The following NEGR1 variants were observed in gnomAD, a reference collection of about 807,000 sequenced individuals.
NEGR1 encodes IgLON family member 4.
A neutral mutation model predicts 40.9 loss-of-function variants in NEGR1; 10 were observed. That is an observed-to-expected ratio of 0.24 (90% confidence interval 0.15 to 0.42). NEGR1 has a LOEUF of 0.42. Among genes scored for constraint, NEGR1 ranks in the 10% least tolerant of loss-of-function variants. The pLI is 1.00. For synonymous variants in NEGR1, 185 were observed against 166.8 expected, an observed-to-expected ratio of 1.11 and a Z score of -0.84; for missense variants, 352 against 438.9, an observed-to-expected ratio of 0.80 and a Z score of 1.77.
At chr1:71,909,634 C>A (rs1455021323) in intron 2 of NEGR1, among the ~76,000 whole-genome samples, 2 of 152,134 alleles carry the variant, frequency 1.3e-5, no homozygotes, top group African/African-American at 4.8e-5. Flanking sequence ...TCAGTTTTAA[C>A]TGGAAAGGGG....
intron 6 of NEGR1, among the ~76,000 whole-genome samples, chr1:71,566,102 C>T (rs1648611589): frequency 1.3e-5 from 2 of 151,956 alleles, no homozygotes; most frequent in Admixed American, 1.3e-4. Context: ...AAGGAAACAA[C>T]CCTGCCAAAA....
At chr1:71,534,032 G>A (rs1006066950) in intron 6 of NEGR1, among the ~76,000 whole-genome samples, 3 of 151,628 alleles carry the variant, frequency 2.0e-5, no homozygotes, top group African/African-American at 4.8e-5. Context: ...CAGCGAGTGT[G>A]GCAGTGGGAA....
chr1:71,782,493 C>T (rs1303637659), intron 2 of NEGR1, among the ~76,000 whole-genome samples: 2 of 152,068 alleles, frequency 1.3e-5, no homozygotes, highest in Non-Finnish European at 2.9e-5. Context: ...CCATAATTAT[C>T]ATTGGTATTT....
intron 3 of NEGR1, among the ~76,000 whole-genome samples, chr1:71,734,704 C>G (rs962936374): frequency 3.3e-5 from 5 of 152,152 alleles, no homozygotes; most frequent in Admixed American, 3.3e-4. Flanking sequence ...ATGAATTCTG[C>G]CTTTCTACTC....
At chr1:71,568,107 T>C (rs1648681040) in intron 6 of NEGR1, among the ~76,000 whole-genome samples, 1 of 152,222 alleles carries the variant, frequency 6.6e-6, no homozygotes, top group South Asian at 2.1e-4. Flanking sequence ...ATTACTCCCA[T>C]CTATTCAATT....
Position 71,906,477 on chromosome 1 carries a change from TAA to T in NEGR1, c.409+28600_409+28601del, listed in dbSNP as rs368464744. 3.4e-3 allele frequency among the ~76,000 whole-genome samples: 474 copies of T among 141,014 alleles called. 1 individual carries two copies. Among genetic ancestry groups the T allele is most frequent in the African/African-American group, 0.011 (436 of 38,990 alleles). 92.5% of individuals were successfully genotyped at this position (141,014 alleles called of 152,430 possible). The stretch of plus-strand genomic sequence containing the variant: ...ATGAATAATTTCCCTGGCCAAGGAT[TAA>T]AAAAAAAAAAAAAGTTGAGATCTGA... On this transcript the variant is annotated intron_variant, in intron 2 of 6. Transcript: ENST00000357731.
intron 1 of NEGR1, among the ~76,000 whole-genome samples, chr1:71,943,848 T>A (rs1645994345): frequency 6.6e-6 from 1 of 152,132 alleles, no homozygotes; most frequent in Non-Finnish European, 1.5e-5. Context: ...CACAAAAACA[T>A]TCTGAGAAGT....
chr1:71,508,645 C>T (rs1228725527), intron 6 of NEGR1, among the ~76,000 whole-genome samples: 1 of 152,142 alleles, frequency 6.6e-6, no homozygotes, highest in Non-Finnish European at 1.5e-5. Context: ...TATCTTTGCC[C>T]TGAACCGAAT....
At chr1:72,256,533 T>C (rs1011181424) in intron 1 of NEGR1, among the ~76,000 whole-genome samples, 3 of 152,224 alleles carry the variant, frequency 2.0e-5, no homozygotes, top group Non-Finnish European at 2.9e-5. Context: ...TTATGAATTA[T>C]AATCACCCTA....
intron 2 of NEGR1, among the ~76,000 whole-genome samples, chr1:71,805,114 C>T (rs12137234): frequency 0.21 from 31,893 of 151,998 alleles, 4,385 homozygotes; most frequent in Non-Finnish European, 0.31. Context: ...AGGAAATTCC[C>T]GCATAATAAA....
At chr1:71,501,995 G>A (rs1647002707) in intron 6 of NEGR1, among the ~76,000 whole-genome samples, 1 of 152,134 alleles carries the variant, frequency 6.6e-6, no homozygotes, top group South Asian at 2.1e-4. Context: ...GGAAATAAAA[G>A]TGATTCTACT....
intron 1 of NEGR1, among the ~76,000 whole-genome samples, chr1:72,199,423 G>C (rs962208022): frequency 6.6e-6 from 1 of 151,954 alleles, no homozygotes; most frequent in African/African-American, 2.4e-5. Flanking sequence ...CCTTAAAAGA[G>C]CACAAAGCTA....
chr1:71,608,883 T>A (rs1467544822), intron 5 of NEGR1, among the ~76,000 whole-genome samples: 2 of 152,082 alleles, frequency 1.3e-5, no homozygotes, highest in African/African-American at 4.8e-5. Context: ...GAACAAAGAG[T>A]TCCATAACTT....
chr1:71,449,952 A>G (rs1395519006), intron 6 of NEGR1, among the ~76,000 whole-genome samples: 1 of 148,688 alleles, frequency 6.7e-6, no homozygotes, highest in Non-Finnish European at 1.5e-5. Flanking sequence ...TTTGTCTTTT[A>G]TTTTCACCAA....
At chr1:72,015,536 G>A (rs965212810) in intron 1 of NEGR1, among the ~76,000 whole-genome samples, 1 of 152,086 alleles carries the variant, frequency 6.6e-6, no homozygotes, top group Non-Finnish European at 1.5e-5. Context: ...CAGGCACCAT[G>A]GCTAAGACCT....
At chr1:72,123,450 G>A (rs1462572619) in intron 1 of NEGR1, among the ~76,000 whole-genome samples, 6 of 151,752 alleles carry the variant, frequency 4.0e-5, no homozygotes, top group African/African-American at 1.2e-4. Flanking sequence ...GGATCATAAT[G>A]ATGAGAAATT....
At chr1:71,805,580 C>G (rs1657738850) in intron 2 of NEGR1, among the ~76,000 whole-genome samples, 1 of 152,136 alleles carries the variant, frequency 6.6e-6, no homozygotes, top group Non-Finnish European at 1.5e-5. Context: ...ATATCACTTT[C>G]AAGGATAGTA....
intron 2 of NEGR1, among the ~76,000 whole-genome samples, chr1:71,795,104 G>T (rs1181571946): frequency 6.6e-6 from 1 of 151,978 alleles, no homozygotes; most frequent in African/African-American, 2.4e-5. Flanking sequence ...ATGAGAAAAT[G>T]AAAAATCACA....
At chr1:72,124,302 T>C (rs1164647453) in intron 1 of NEGR1, among the ~76,000 whole-genome samples, 2 of 151,956 alleles carry the variant, frequency 1.3e-5, no homozygotes. Context: ...TCAAGGTAAA[T>C]TCCCTAGGTA....
Sources: allele counts gnomAD v4.1 joint callset (sites outside exome capture counted in the v4.1 genomes callset), GRCh38; gene constraint gnomAD v4.1.1; transcripts MANE v1.5; gene names NCBI Gene and HGNC (gene_info 2026-07-23, HGNC 2026-07-21).